The following PRELID2 variants were observed in gnomAD, a reference collection of about 807,000 sequenced individuals.
The protein encoded by PRELID2 is PRELI domain-containing protein 2.
In PRELID2, 25 loss-of-function variants were observed where a neutral mutation model predicts 28.4. That is an observed-to-expected ratio of 0.88 (90% CI 0.64 to 1.23). PRELID2 has a LOEUF of 1.23. PRELID2 is among the 50% of genes most tolerant of loss of function. The pLI is 0.00. For synonymous variants in PRELID2, 76 were observed against 71.6 expected, an observed-to-expected ratio of 1.06 and a Z score of -0.31; for missense variants, 201 against 214.4, an observed-to-expected ratio of 0.94 and a Z score of 0.39.
chr5:145,515,938 C>T (rs1279168560), intron 1 of PRELID2, among the ~76,000 whole-genome samples: 1 of 152,136 alleles, frequency 6.6e-6, no homozygotes, highest in Non-Finnish European at 1.5e-5. Context: ...CAAAATTCAA[C>T]AATTCTTTAT....
intron 1 of PRELID2, among the ~76,000 whole-genome samples, chr5:145,659,384 G>A (rs534276020): frequency 4.6e-5 from 7 of 152,204 alleles, no homozygotes; most frequent in South Asian, 2.1e-4. Context: ...TTATTTCACC[G>A]TATCAGACTA....
chr5:145,830,603 G>A (rs985069788), intron 1 of PRELID2, among the ~76,000 whole-genome samples: 1 of 152,200 alleles, frequency 6.6e-6, no homozygotes, highest in African/African-American at 2.4e-5. Flanking sequence ...CACAAAGAAA[G>A]AAACCAAAAT....
intron 1 of PRELID2, among the ~76,000 whole-genome samples, chr5:145,651,225 T>C (rs989835531): frequency 6.6e-6 from 1 of 152,146 alleles, no homozygotes; most frequent in Non-Finnish European, 1.5e-5. Context: ...TGCCTGCCAT[T>C]GCTGAGGCTT....
At chr5:145,392,394 G>A in the PRELID2 span, among the ~76,000 whole-genome samples, 46,615 of 151,844 alleles carry the variant, frequency 0.31, 7,675 homozygotes, top group East Asian at 0.7. Context: ...AGAACAGCAT[G>A]AGAGTAACCA....
the PRELID2 span, among the ~76,000 whole-genome samples, chr5:145,452,284 T>A: frequency 6.6e-6 from 1 of 151,932 alleles, no homozygotes; most frequent in East Asian, 1.9e-4. Context: ...TTTTATAAGG[T>A]TTTTTATGAT....
intron 1 of PRELID2, among the ~76,000 whole-genome samples, chr5:145,500,452 T>C (rs1752350090): frequency 2.0e-5 from 3 of 152,084 alleles, no homozygotes; most frequent in African/African-American, 7.2e-5. Context: ...CTTACCCAGT[T>C]TCAAGTATTT....
intron 1 of PRELID2, among the ~76,000 whole-genome samples, chr5:145,833,087 A>C (rs1435241569): frequency 6.6e-6 from 1 of 152,194 alleles, no homozygotes; most frequent in Admixed American, 6.5e-5. Flanking sequence ...CTAGCACTTA[A>C]CACAAAGCTT....
chr5:145,678,981 C>T (rs972238657), intron 1 of PRELID2, among the ~76,000 whole-genome samples: 1 of 152,174 alleles, frequency 6.6e-6, no homozygotes, highest in African/African-American at 2.4e-5. Flanking sequence ...GCTGATCTCT[C>T]CACTTTCCTT....
At chr5:145,770,765 A>C (rs1004977991) in intron 5 of PRELID2, among the ~76,000 whole-genome samples, 1 of 152,232 alleles carries the variant, frequency 6.6e-6, no homozygotes, top group Non-Finnish European at 1.5e-5. Context: ...AATTTCAAAA[A>C]TAGAAAAAAG....
rs938340805 is a variant in PRELID2, at chr5:145,639,517, T to G, written n.70+125414A>C. Among the ~76,000 whole-genome samples, 102 of 152,336 alleles carry G rather than the reference T, an allele frequency of 6.7e-4. 1 individual carries two copies. Among genetic ancestry groups the G allele is most frequent in the African/African-American group, 2.4e-3 (99 of 41,582 alleles). On this transcript the variant is annotated intron_variant and non_coding_transcript_variant, in intron 1 of 2. Coordinates refer to the PRELID2 transcript ENST00000510259. ...ACATCTAGCATTGAAATAATTACTTTGGAGTCTTGGGGCTCATAGGATTAT... is the reference window on the plus strand; with the variant it reads ...ACATCTAGCATTGAAATAATTACTTGGGAGTCTTGGGGCTCATAGGATTAT...
At chr5:145,594,227 A>G (rs1194139165) in intron 1 of PRELID2, among the ~76,000 whole-genome samples, 1 of 152,164 alleles carries the variant, frequency 6.6e-6, no homozygotes, top group East Asian at 1.9e-4. Flanking sequence ...ATAATTTCCA[A>G]AACATTTGTG....
chr5:145,769,298 G>A (rs1013588624), intron 5 of PRELID2, among the ~76,000 whole-genome samples: 15 of 151,926 alleles, frequency 9.9e-5, no homozygotes, highest in African/African-American at 3.1e-4. Flanking sequence ...GAGCTATCTC[G>A]CAGGTTCATT....
At chr5:145,309,885 G>C in the PRELID2 span, among the ~76,000 whole-genome samples, 2 of 152,166 alleles carry the variant, frequency 1.3e-5, no homozygotes, top group Non-Finnish European at 2.9e-5. Flanking sequence ...TTCCCTTGTA[G>C]CTTACCTAAA....
chr5:145,389,426 C>G, the PRELID2 span, among the ~76,000 whole-genome samples: 1 of 152,098 alleles, frequency 6.6e-6, no homozygotes, highest in African/African-American at 2.4e-5. Context: ...CCACCAAAGC[C>G]CAAATGTCAA....
chr5:145,784,609 T>C (rs1165886254), intron 5 of PRELID2, among the ~76,000 whole-genome samples: 2 of 152,166 alleles, frequency 1.3e-5, no homozygotes, highest in African/African-American at 4.8e-5. Context: ...AAAAATTTAT[T>C]CCAATATTAT....
At chr5:145,385,561 C>A in the PRELID2 span, among the ~76,000 whole-genome samples, 3 of 152,124 alleles carry the variant, frequency 2.0e-5, no homozygotes, top group African/African-American at 7.2e-5. Context: ...AATGAGAAAT[C>A]CTAACCATCA....
chr5:145,498,441 C>G (rs1038731039), intron 1 of PRELID2, among the ~76,000 whole-genome samples: 1 of 152,144 alleles, frequency 6.6e-6, no homozygotes, highest in African/African-American at 2.4e-5. Context: ...AAAAGGATCA[C>G]CTGATTCCAG....
At chr5:145,368,955 T>C in the PRELID2 span, among the ~76,000 whole-genome samples, 1 of 151,850 alleles carries the variant, frequency 6.6e-6, no homozygotes, top group East Asian at 1.9e-4. Flanking sequence ...CCTGATCATC[T>C]CCCTCTTCAC....
At chr5:145,364,498 G>C in the PRELID2 span, among the ~76,000 whole-genome samples, 1 of 151,980 alleles carries the variant, frequency 6.6e-6, no homozygotes, top group African/African-American at 2.4e-5. Flanking sequence ...CCTAAGGAGA[G>C]AACATTTGTT....
Sources: allele counts gnomAD v4.1 joint callset (sites outside exome capture counted in the v4.1 genomes callset), GRCh38; gene constraint gnomAD v4.1.1; transcripts MANE v1.5; gene names NCBI Gene and HGNC (gene_info 2026-07-23, HGNC 2026-07-21).